The following MCCC1 variants were observed in gnomAD, a reference collection of about 807,000 sequenced individuals.
MCCC1 encodes methylcrotonyl-CoA carboxylase subunit 1.
In MCCC1, 64 loss-of-function variants were observed where a neutral mutation model predicts 83.8. The observed-to-expected ratio is 0.76, with a 90% CI of 0.62 to 0.94. The LOEUF (loss-of-function observed/expected upper bound fraction) is 0.94, where lower values mean the gene tolerates loss of function less well. Ranked by LOEUF, MCCC1 falls within the 40% of genes least tolerant of loss-of-function variation. The pLI is 0.00. For missense variants in MCCC1, 807 were observed against 904.7 expected (o/e 0.89, Z 1.39); for synonymous variants, 322 against 315.4 (o/e 1.02, Z -0.22).
upstream of MCCC1, among the ~76,000 whole-genome samples, chr3:183,103,536 CAG>C (rs1719353649): frequency 6.6e-6 from 1 of 152,172 alleles, no homozygotes; most frequent in African/African-American, 2.4e-5. Context: ...CAGCTAGATA[CAG>C]AGTGTCAATT....
upstream of MCCC1, chr3:183,099,543 C>CCACCGT (rs1719011564): frequency 7.3e-7 from 1 of 1,370,324 alleles, no homozygotes; most frequent in Admixed American, 2.0e-5. Flanking sequence ...CCCCCGCCGG[C>CCACCGT]CACCGTCGGA....
intron 4 of MCCC1, among the ~76,000 whole-genome samples, chr3:183,085,630 TAA>T (rs57408690): frequency 0.025 from 2,581 of 103,294 alleles, 43 homozygotes; most frequent in South Asian, 0.045. Flanking sequence ...ACCCTGTCTT[TAA>T]AAAAAAAAAA....
intron 3 of MCCC1, 25 bp from the exon 4 acceptor site, chr3:183,086,813 A>C: frequency 6.2e-7 from 1 of 1,605,330 alleles, no homozygotes; most frequent in Non-Finnish European, 8.5e-7. Flanking sequence ...TCACATGCTT[A>C]AAAGACTTTG....
intron 14 of MCCC1, among the ~76,000 whole-genome samples, chr3:183,030,487 G>A (rs1470237766): frequency 6.6e-6 from 1 of 152,154 alleles, no homozygotes; most frequent in Non-Finnish European, 1.5e-5. Context: ...GGAAGAGTTG[G>A]CCTGGGCAGC....
At position 183,113,358 on chromosome 3, in the gene MCCC1, A is replaced by G. The variant is rs559701932; in HGVS notation, c.-102+2116T>C. Among the ~76,000 whole-genome samples, 56 of 142,710 alleles carry G rather than the reference A, an allele frequency of 3.9e-4. No homozygotes were observed. In the South Asian group the frequency reaches 6.0e-3, roughly 15 times the overall value. The allele number at this position is 142,710 out of a possible 152,430, so 93.6% of individuals were successfully genotyped here. A position where few individuals can be genotyped will look rare whatever the true frequency, so the allele number is the denominator to read the frequency against. On this transcript the variant is annotated intron_variant, in intron 1 of 17. Transcript: ENST00000492597. ...CCGCTGTTCTCACTGATAGGTGGGA[A>G]TTGAACAATGAGAACACTTGGACAG... is the stretch of plus-strand genomic sequence containing the variant.
At chr3:183,106,940 A>G (rs1719416064) in intron 1 of MCCC1, among the ~76,000 whole-genome samples, 1 of 152,104 alleles carries the variant, frequency 6.6e-6, no homozygotes, top group African/African-American at 2.4e-5. Context: ...AGCAGGCTGC[A>G]GACATGATGC....
In MCCC1 at chr3:183,064,131, G is replaced by T. The variant is rs1716061441; in HGVS notation, c.762-6709C>A. On this transcript the variant is annotated intron_variant, in intron 7 of 18. Transcript: ENST00000265594. The surrounding 1 kb of genome is among the most constrained non-coding windows in gnomAD (Gnocchi z 4.5). Reference sequence around the variant, plus strand: ...CACTATGGATGTTAACTGCTATTCTGTTTGAATTAATCTGCCTTGCACTCT... The same window carrying T: ...CACTATGGATGTTAACTGCTATTCTTTTTGAATTAATCTGCCTTGCACTCT... 6.6e-6 allele frequency among the ~76,000 whole-genome samples: 1 copy of T among 152,108 alleles called. No individual in the cohort carries two copies. The highest frequency in any genetic ancestry group is 1.5e-5 in the Non-Finnish European group (1 of 68,010).
rs1332985035 is a variant in MCCC1, at chr3:183,107,416, AAAAAAG to A, written c.-102+8052_-102+8057del. On this transcript the variant is annotated intron_variant, in intron 1 of 17. Coordinates refer to the MCCC1 transcript ENST00000492597. ...AGAGCGAAACTCCATCTCAAAAAAA[AAAAAAG>A]AAAAAGAAAAAGAAAAAGAAAACAC... 2.9e-3 allele frequency among the ~76,000 whole-genome samples: 436 copies of A among 151,502 alleles called. 2 individuals carry two copies. The highest frequency in any genetic ancestry group is 9.1e-3 in the African/African-American group (375 of 41,148).
chr3:183,031,278 C>T (rs1713045460), intron 14 of MCCC1, among the ~76,000 whole-genome samples: 1 of 152,140 alleles, frequency 6.6e-6, no homozygotes, highest in Non-Finnish European at 1.5e-5. Context: ...ATGAAACAAT[C>T]TTTGGAAAGT....
rs558153403 is a variant in MCCC1 at position 183,086,624 on chromosome 3, A to G, written c.369+69T>C. The G allele has an allele frequency of 5.7e-4, 789 of 1,393,020 alleles. 1 individual carries two copies. Among genetic ancestry groups the G allele is most frequent in the Non-Finnish European group, 7.6e-4 (754 of 987,504 alleles). The allele number at this position is 1,393,020 out of a possible 1,614,324, so 86.3% of individuals were successfully genotyped here. A position where few individuals can be genotyped will look rare whatever the true frequency, so the allele number is the denominator to read the frequency against. On this transcript the variant is annotated intron_variant, in intron 4 of 18. Transcript: ENST00000265594. ...GAAAGGCTAAAAATAGAAAATTTCT[A>G]TAAGTAACTTTGCATCAGTTGCACA...
chr3:183,079,693 T>A (rs1167296416), intron 4 of MCCC1, among the ~76,000 whole-genome samples: 1 of 152,220 alleles, frequency 6.6e-6, no homozygotes, highest in Admixed American at 6.5e-5. Context: ...AGTACCCCAA[T>A]AGGGACTCTG....
chr3:183,059,357 T>C (rs1437494734), intron 7 of MCCC1, among the ~76,000 whole-genome samples: 5 of 152,198 alleles, frequency 3.3e-5, no homozygotes, highest in Non-Finnish European at 5.9e-5. Flanking sequence ...TTCTGAATGT[T>C]CCCATTTTGA....
chr3:183,096,366 C>T (rs1489691289), intron 1 of MCCC1, among the ~76,000 whole-genome samples: 1 of 151,774 alleles, frequency 6.6e-6, no homozygotes, highest in Admixed American at 6.6e-5. Context: ...AAATAAAAAG[C>T]ATATGCAGGG....
chr3:183,090,382 A>G (rs1718228806), intron 3 of MCCC1, among the ~76,000 whole-genome samples: 1 of 152,058 alleles, frequency 6.6e-6, no homozygotes, highest in Non-Finnish European at 1.5e-5. Flanking sequence ...TTGACACAGG[A>G]ATGTCTCATT....
At chr3:183,086,033 TTC>T (rs138412282) in intron 4 of MCCC1, among the ~76,000 whole-genome samples, 1,914 of 152,284 alleles carry the variant, frequency 0.013, 17 homozygotes, top group South Asian at 0.022. Context: ...GGTTTTCAAT[TTC>T]TGTTATTATT....
At chr3:183,072,997 T>C (rs1716811739) in intron 4 of MCCC1, among the ~76,000 whole-genome samples, 2 of 152,240 alleles carry the variant, frequency 1.3e-5, no homozygotes, top group Non-Finnish European at 1.5e-5. Flanking sequence ...GGTTCATTCA[T>C]GTAACATGTA....
At chr3:183,114,003 G>T (rs980084192) in intron 1 of MCCC1, among the ~76,000 whole-genome samples, 2 of 152,152 alleles carry the variant, frequency 1.3e-5, no homozygotes, top group Non-Finnish European at 2.9e-5. Flanking sequence ...TTAGCTAAGA[G>T]AACAAGACAA....
chr3:183,044,895 C>G (rs1042112049), intron 10 of MCCC1, among the ~76,000 whole-genome samples: 21 of 127,536 alleles, frequency 1.6e-4, no homozygotes, highest in Admixed American at 1.4e-3. Flanking sequence ...GTAACCTATT[C>G]TCAAGACTGT....
At chr3:183,052,547 G>A (rs552519342) in intron 8 of MCCC1, among the ~76,000 whole-genome samples, 11 of 152,230 alleles carry the variant, frequency 7.2e-5, no homozygotes, top group Admixed American at 3.9e-4. Context: ...GGTGGCTCAC[G>A]CCTGTAATCC....
Sources: allele counts gnomAD v4.1 joint callset (sites outside exome capture counted in the v4.1 genomes callset), GRCh38; gene constraint gnomAD v4.1.1; non-coding constraint Gnocchi (gnomAD v3.1); transcripts MANE v1.5; gene names NCBI Gene and HGNC (gene_info 2026-07-23, HGNC 2026-07-21).